Variants in MEIKIN observed in about 807,000 individuals in gnomAD.
MEIKIN encodes the protein meiotic kinetochore factor, also known as meiosis-specific kinetochore protein.
chr5:131,894,852 C>T (rs556030629), intron 8 of MEIKIN, among the ~76,000 whole-genome samples: 136 of 152,216 alleles, frequency 8.9e-4, no homozygotes, highest in Middle Eastern at 3.4e-3. Flanking sequence ...CAAACAGGGA[C>T]GATTTTACTT....
chr5:131,837,481 A>G (rs1314465557), intron 11 of MEIKIN, among the ~76,000 whole-genome samples: 1 of 152,144 alleles, frequency 6.6e-6, no homozygotes, highest in Non-Finnish European at 1.5e-5. Flanking sequence ...GATTCTTTCT[A>G]TTCATGAGCA....
At chr5:131,888,209 C>A (rs909816060) in intron 8 of MEIKIN, among the ~76,000 whole-genome samples, 41 of 147,430 alleles carry the variant, frequency 2.8e-4, no homozygotes, top group African/African-American at 9.0e-4. Context: ...ATTTATAGTC[C>A]TTTGGGTATA....
intron 9 of MEIKIN, among the ~76,000 whole-genome samples, chr5:131,855,155 G>A (rs1157805522): frequency 1.3e-5 from 2 of 152,076 alleles, no homozygotes; most frequent in African/African-American, 2.4e-5. Context: ...AGGAAATGGC[G>A]CTTCAGTTAT....
intron 8 of MEIKIN, among the ~76,000 whole-genome samples, chr5:131,882,762 G>A (rs189157442): frequency 1.3e-3 from 201 of 152,130 alleles, no homozygotes; most frequent in African/African-American, 4.7e-3. Flanking sequence ...TCATCTTCCT[G>A]CTCACTGTGC....
intron 10 of MEIKIN, among the ~76,000 whole-genome samples, 153 bp downstream of exon 10, chr5:131,854,601 A>G (rs183027535): frequency 6.6e-6 from 1 of 152,332 alleles, no homozygotes; most frequent in African/African-American, 2.4e-5. Context: ...ATAGTAGTAT[A>G]CAAAGTACTT....
chr5:131,927,163 G>A (rs938752687), intron 5 of MEIKIN, among the ~76,000 whole-genome samples: 11 of 144,784 alleles, frequency 7.6e-5, no homozygotes, highest in East Asian at 2.4e-4. Flanking sequence ...TATATCCCAC[G>A]TTTTAATATA....
At chr5:131,818,951 A>T in intron 11 of MEIKIN, 88 bp from the exon 12 acceptor site, 1 of 389,098 alleles carries the variant, frequency 2.6e-6, no homozygotes. Context: ...TAGTCTTAAT[A>T]TCTGTATTTC....
chr5:131,927,123 GT>G (rs1751599923), intron 5 of MEIKIN, among the ~76,000 whole-genome samples: 1 of 151,668 alleles, frequency 6.6e-6, no homozygotes, highest in Non-Finnish European at 1.5e-5. Flanking sequence ...TTTAGTTATT[GT>G]TATAAAATTC....
chr5:131,914,159 A>T (rs768828209), intron 7 of MEIKIN, among the ~76,000 whole-genome samples: 20 of 152,272 alleles, frequency 1.3e-4, no homozygotes, highest in Non-Finnish European at 2.6e-4. Context: ...GAGAGTCCCC[A>T]TCAGCAAGAA....
At chr5:131,826,148 G>A (rs148753203) in intron 11 of MEIKIN, among the ~76,000 whole-genome samples, 1,460 of 144,704 alleles carry the variant, frequency 0.01, 21 homozygotes, top group African/African-American at 0.035. Context: ...GCTGGTCTTG[G>A]ACTCCTGGCC....
chr5:131,836,801 G>C (rs745644103), intron 11 of MEIKIN, among the ~76,000 whole-genome samples: 3 of 150,764 alleles, frequency 2.0e-5, no homozygotes, highest in Non-Finnish European at 4.4e-5. Context: ...TTAGACCTTT[G>C]TTAGATGCAT....
chr5:131,826,738 T>C (rs1304181939), intron 11 of MEIKIN, among the ~76,000 whole-genome samples: 1 of 150,498 alleles, frequency 6.6e-6, no homozygotes, highest in African/African-American at 2.5e-5. Context: ...GCACTTCCCC[T>C]GCGCTCTCTC....
chr5:131,830,746 C>A (rs1044628732), intron 11 of MEIKIN, among the ~76,000 whole-genome samples: 1 of 152,144 alleles, frequency 6.6e-6, no homozygotes, highest in African/African-American at 2.4e-5. Flanking sequence ...AGAAAGAAAG[C>A]TCTCCCCTTC....
At chr5:131,875,918 G>A (rs553641957) in intron 9 of MEIKIN, among the ~76,000 whole-genome samples, 89 of 152,270 alleles carry the variant, frequency 5.8e-4, no homozygotes, top group South Asian at 1.7e-3. Context: ...TTAATAAATG[G>A]TGCTGGGAAA....
chr5:131,899,978 A>C (rs1751128882), intron 8 of MEIKIN, among the ~76,000 whole-genome samples: 1 of 152,250 alleles, frequency 6.6e-6, no homozygotes, highest in Non-Finnish European at 1.5e-5. Context: ...TCAATTATTT[A>C]GAACAAATAA....
In MEIKIN at chr5:131,945,497, C is replaced by T; in HGVS notation, c.9G>A (p.Pro3=). 2.5e-6 allele frequency: 1 copy of T among 399,680 alleles called. No individual in the cohort carries two copies. Among genetic ancestry groups the T allele is most frequent in the Non-Finnish European group, 4.4e-6 (1 of 226,158 alleles). 24.8% of individuals were successfully genotyped at this position (399,680 alleles called of 1,614,324 possible). A position where few individuals can be genotyped will look rare whatever the true frequency, so the allele number is the denominator to read the frequency against. Residue 3 remains proline, a synonymous_variant, in exon 1 of 13, where the codon CCG becomes CCA. Coordinates refer to ENST00000442687, the MANE Select transcript of MEIKIN (RefSeq NM_001303622.2). MW[P]LRVYTRKKRE... is the part of the protein sequence containing the mutation. ...GCTTTTTGCGGGTATAGACCCGTAG[C>T]GGCCACATTGCTATCCCACCCTACC...
intron 12 of MEIKIN, among the ~76,000 whole-genome samples, chr5:131,815,425 C>G (rs1178599954): frequency 6.6e-6 from 1 of 152,178 alleles, no homozygotes; most frequent in Non-Finnish European, 1.5e-5. Context: ...AAAGTGGCAC[C>G]ATGCATTATT....
intron 11 of MEIKIN, among the ~76,000 whole-genome samples, chr5:131,835,769 A>G (rs1038612686): frequency 6.6e-6 from 1 of 151,886 alleles, no homozygotes; most frequent in Non-Finnish European, 1.5e-5. Context: ...AATTTTTTGT[A>G]TTTTTAGTAG....
chr5:131,888,484 G>C (rs1750842705), intron 8 of MEIKIN, among the ~76,000 whole-genome samples: 1 of 152,182 alleles, frequency 6.6e-6, no homozygotes, highest in South Asian at 2.1e-4. Context: ...TTTTTCATGT[G>C]TCCGTTGGCT....
Sources: allele counts gnomAD v4.1 joint callset (sites outside exome capture counted in the v4.1 genomes callset), GRCh38; gene constraint gnomAD v4.1.1; transcripts MANE v1.5; gene names NCBI Gene and HGNC (gene_info 2026-07-23, HGNC 2026-07-21).